Variants in TTLL3 observed in about 807,000 individuals in gnomAD.
TTLL3 encodes the protein tubulin tyrosine ligase like 3.
A neutral mutation model predicts 75.2 loss-of-function variants in TTLL3; 63 were observed. The observed-to-expected ratio is 0.84, with a 90% CI of 0.68 to 1.03. The LOEUF (loss-of-function observed/expected upper bound fraction) is 1.03. TTLL3 is among the 50% of genes least tolerant of loss of function. The probability of loss-of-function intolerance (pLI) is 0.00; values close to 1 mark genes in which losing one functional copy is unlikely to be tolerated. For missense variants in TTLL3, 997 were observed against 1,069.9 expected (o/e 0.93, Z 0.95); for synonymous variants, 393 against 418.5 (o/e 0.94, Z 0.74).
intron 11 of TTLL3, among the ~76,000 whole-genome samples, chr3:9,832,715 A>T (rs2081674022): frequency 6.6e-6 from 1 of 150,490 alleles, no homozygotes; most frequent in African/African-American, 2.4e-5. Context: ...CAGGCTCCAA[A>T]CCTCTTACTT....
chr3:9,833,701 T>C (rs772091866), intron 12 of TTLL3, among the ~76,000 whole-genome samples: 5 of 152,044 alleles, frequency 3.3e-5, no homozygotes, highest in Non-Finnish European at 7.4e-5. Flanking sequence ...CCAAATTAGC[T>C]GGGCACGGTG....
intron 8 of TTLL3, among the ~76,000 whole-genome samples, chr3:9,823,499 T>C (rs73811574): frequency 2.2e-5 from 3 of 135,394 alleles, no homozygotes; most frequent in African/African-American, 8.2e-5. Context: ...GTTTTTTTTT[T>C]CTTTTTGCTA....
chr3:9,820,942 T>A (rs1387484651), intron 8 of TTLL3: 5 of 806,962 alleles, frequency 6.2e-6, no homozygotes, highest in Non-Finnish European at 9.4e-6. Context: ...GCATAGTCAC[T>A]AAGAGCATGG....
intron 11 of TTLL3, 100 bp from the exon 12 acceptor site, chr3:9,833,004 C>T (rs1204638493): frequency 2.7e-6 from 4 of 1,455,194 alleles, no homozygotes; most frequent in Non-Finnish European, 3.8e-6. Flanking sequence ...GACCAGGTGC[C>T]TCAGAAAGTA....
chr3:9,813,031 A>G lies in TTLL3; in HGVS notation c.137A>G (p.His46Arg), dbSNP rs534921427. ...RRGWVEKKMV[H>R]RSGPTLLPPQ... ...GGCTGGGTGGAGAAGAAGATGGTCCATCGCTCAGGCCCCACCCTGCTGCCA... is the reference window on the plus strand; with the variant it reads ...GGCTGGGTGGAGAAGAAGATGGTCCGTCGCTCAGGCCCCACCCTGCTGCCA... The change falls in exon 3 of 14, where the codon CAT becomes CGT. Residue 46 changes from histidine (H) to arginine (R), a missense_variant. By Grantham distance (29) the His-to-Arg change is conservative. Coordinates refer to ENST00000685419, the MANE Select transcript of TTLL3 (RefSeq NM_001387446.1). 1.8e-5 allele frequency: 28 copies of G among 1,586,426 alleles called. No homozygotes were observed. Among genetic ancestry groups the G allele is most frequent in the Non-Finnish European group, 2.3e-5 (27 of 1,164,346 alleles).
intron 10 of TTLL3, 185 bp downstream of exon 10, chr3:9,827,425 G>A (rs1325923166): frequency 4.4e-6 from 5 of 1,133,050 alleles, no homozygotes; most frequent in Non-Finnish European, 4.8e-6. Context: ...ACAGACAGGG[G>A]GCGGTCTCAC....
chr3:9,816,791 G>A (rs1052419884), intron 5 of TTLL3, among the ~76,000 whole-genome samples: 1 of 151,960 alleles, frequency 6.6e-6, no homozygotes, highest in African/African-American at 2.4e-5. Flanking sequence ...GCCATCATGC[G>A]CAGCCTTACC....
In TTLL3 at chr3:9,835,411, G is replaced by T; in HGVS notation, c.2370G>T (p.Gly790=). ...PNKKKQVKYL[G]LDSIAVGGSR... is the part of the protein sequence containing the mutation. ...AAAAGAAACAAGTGAAGTATTTGGG[G>T]CTTGACTCCATTGCTGTTGGAGGGT... The change falls in exon 14 of 14, where the codon GGG becomes GGT. Residue 790 remains glycine (G), a synonymous_variant. Transcript: ENST00000685419. 6.2e-7 allele frequency: 1 copy of T among 1,613,346 alleles called. No homozygotes were observed. The highest frequency in any genetic ancestry group is 8.5e-7 in the Non-Finnish European group (1 of 1,180,036).
At chr3:9,830,526 G>A (rs754890248) in intron 11 of TTLL3, among the ~76,000 whole-genome samples, 5 of 152,136 alleles carry the variant, frequency 3.3e-5, no homozygotes, top group Non-Finnish European at 4.4e-5. Flanking sequence ...AAGTGACCTC[G>A]CCTTTGTTAC....
chr3:9,834,649 C>T, intron 12 of TTLL3, 32 bp from the exon 13 acceptor site: 1 of 1,612,814 alleles, frequency 6.2e-7, no homozygotes. Context: ...GGGCCCCACC[C>T]CAGGGCCTCA....
chr3:9,826,522 C>T (rs1304774168), intron 9 of TTLL3, among the ~76,000 whole-genome samples: 1 of 152,064 alleles, frequency 6.6e-6, no homozygotes, highest in Admixed American at 6.6e-5. Flanking sequence ...CACTTGAGGT[C>T]AGGAGTTGGA....
chr3:9,817,780 A>T, intron 6 of TTLL3, 21 bp downstream of exon 6: 1 of 1,614,024 alleles, frequency 6.2e-7, no homozygotes, highest in Non-Finnish European at 8.5e-7. Flanking sequence ...CCCCAGCCCT[A>T]TGCCTGAACC....
rs1460317853 is a variant in TTLL3 at position 9,818,811 on chromosome 3, C to T, written c.560-11C>T. 2 of 1,613,922 alleles carry T rather than the reference C, an allele frequency of 1.2e-6. No homozygotes were observed. Among genetic ancestry groups the T allele is most frequent in the Non-Finnish European group, 1.7e-6 (2 of 1,180,012 alleles). ...AGGGGCTGAGCAGGGTATCCCCTGGCCTGGGAGCAGAGGACTTCTGGCTGA... is the reference window on the plus strand; with the variant it reads ...AGGGGCTGAGCAGGGTATCCCCTGGTCTGGGAGCAGAGGACTTCTGGCTGA... On this transcript the variant is annotated splice_polypyrimidine_tract_variant and intron_variant, in intron 6 of 13. Transcript: ENST00000685419.
chr3:9,823,518 A>T (rs1390544096), intron 8 of TTLL3, among the ~76,000 whole-genome samples: 2 of 148,930 alleles, frequency 1.3e-5, no homozygotes, highest in Non-Finnish European at 3.0e-5. Context: ...TAACTATAAA[A>T]TCATATTGTC....
chr3:9,809,949 G>T, upstream of TTLL3: 1 of 148,706 alleles, frequency 6.7e-6, no homozygotes, highest in Non-Finnish European at 1.0e-5. Context: ...AGAGGAGGCG[G>T]CGACGCGGAG....
rs1435561336 is a variant in TTLL3 at position 9,810,534 on chromosome 3, T to A, written c.-41-87T>A. ...GAAGGCAGGAGGAAGAAAAGAGGCG[T>A]GGCTATGGGCGGCCAGAAAAGATCC... On this transcript the variant is annotated intron_variant, in intron 1 of 13. Transcript: ENST00000685419. The surrounding 1 kb of genome is among the most constrained non-coding windows in gnomAD (Gnocchi z 4.4). 1 of 1,477,540 alleles carries A rather than the reference T, an allele frequency of 6.8e-7. No individual in the cohort carries two copies. The highest frequency in any genetic ancestry group is 2.5e-5 in the Admixed American group (1 of 39,968). The allele number at this position is 1,477,540 out of a possible 1,614,324, so 91.5% of individuals were successfully genotyped here.
chr3:9,825,862 A>G lies in TTLL3; in HGVS notation c.917A>G (p.Gln306Arg). ...QVQRCEDILQ[Q>R]LQAVVPQIDM... Reference sequence around the variant, plus strand: ...CAGCGCTGTGAGGACATCCTGCAGCAGCTGCAGGCCGTGGTACCCCAGATA... The same window carrying G: ...CAGCGCTGTGAGGACATCCTGCAGCGGCTGCAGGCCGTGGTACCCCAGATA... Residue 306 changes from glutamine to arginine, a missense_variant, in exon 9 of 14, where the codon CAG becomes CGG. Transcript: ENST00000685419. 6.2e-7 allele frequency: 1 copy of G among 1,614,178 alleles called. No individual in the cohort carries two copies. Among genetic ancestry groups the G allele is most frequent in the Non-Finnish European group, 8.5e-7 (1 of 1,180,016 alleles).
chr3:9,827,683 T>G (rs527335063), intron 10 of TTLL3: 11 of 217,514 alleles, frequency 5.1e-5, no homozygotes, highest in African/African-American at 1.6e-4. Flanking sequence ...ACACTATGCC[T>G]GGCCCCTCCA....
At chr3:9,816,225 C>T (rs1161456956) in intron 5 of TTLL3, 23 bp downstream of exon 5, 1 of 1,339,412 alleles carries the variant, frequency 7.5e-7, no homozygotes, top group African/African-American at 1.5e-5. Context: ...GAGGAGCAGG[C>T]AGGGCAGCTT....
Sources: allele counts gnomAD v4.1 joint callset (sites outside exome capture counted in the v4.1 genomes callset), GRCh38; gene constraint gnomAD v4.1.1; non-coding constraint Gnocchi (gnomAD v3.1); transcripts MANE v1.5; gene names NCBI Gene and HGNC (gene_info 2026-07-23, HGNC 2026-07-21).